Variants in DOCK3 observed in about 807,000 individuals in gnomAD.
DOCK3 encodes the protein dedicator of cytokinesis 3, also known as dedicator of cytokinesis protein 3.
In DOCK3, 60 loss-of-function variants were observed where a neutral mutation model predicts 265.6. The observed-to-expected ratio is 0.23, with a 90% CI of 0.18 to 0.28. The LOEUF is 0.28. Among genes scored for constraint, DOCK3 ranks in the 10% least tolerant of loss-of-function variants. The pLI, the probability that DOCK3 is intolerant of heterozygous loss-of-function variation, is 1.00. For synonymous variants in DOCK3, 881 were observed against 938.0 expected, an observed-to-expected ratio of 0.94 and a Z score of 1.11; for missense variants, 1,981 against 2,594.3, an observed-to-expected ratio of 0.76 and a Z score of 5.14.
intron 1 of DOCK3, among the ~76,000 whole-genome samples, chr3:50,763,275 T>G (rs939721029): frequency 1.3e-5 from 2 of 152,120 alleles, no homozygotes; most frequent in Admixed American, 6.6e-5. Flanking sequence ...ATTTTTCTAT[T>G]TCTTCTTTTT....
At chr3:51,055,988 G>C (rs1034508697) in intron 5 of DOCK3, among the ~76,000 whole-genome samples, 1 of 152,164 alleles carries the variant, frequency 6.6e-6, no homozygotes, top group African/African-American at 2.4e-5. Context: ...GGAGGAGTTA[G>C]ATGTATGTGC....
intron 51 of DOCK3, chr3:51,379,451 G>A (rs1429502180): frequency 1.0e-6 from 1 of 985,344 alleles, no homozygotes; most frequent in Admixed American, 6.1e-5. Context: ...CCCTTCAGCT[G>A]TGCCAGCAGC....
intron 1 of DOCK3, among the ~76,000 whole-genome samples, chr3:50,756,028 C>T (rs771415209): frequency 6.6e-6 from 1 of 152,168 alleles, no homozygotes; most frequent in Non-Finnish European, 1.5e-5. Context: ...AAGTGAGATC[C>T]AAATGCCCCA....
chr3:50,889,096 TG>T (rs2048509623), intron 3 of DOCK3, among the ~76,000 whole-genome samples: 3 of 151,322 alleles, frequency 2.0e-5, no homozygotes, highest in African/African-American at 7.3e-5. Flanking sequence ...TGTGTGTGTG[TG>T]TGTGTGTGTG....
intron 42 of DOCK3, 62 bp downstream of exon 42, chr3:51,356,317 T>G: frequency 6.2e-7 from 1 of 1,612,128 alleles, no homozygotes; most frequent in Non-Finnish European, 8.5e-7. Context: ...CTCAACTTCC[T>G]TGGGAACTCA....
chr3:51,186,193 G>T (rs193286821), intron 12 of DOCK3, among the ~76,000 whole-genome samples: 20 of 152,310 alleles, frequency 1.3e-4, no homozygotes, highest in Admixed American at 1.2e-3. Context: ...GGCTGAGTTG[G>T]TATCAGATGG....
rs201425737 is a variant in DOCK3, at chr3:51,237,536, G to T, written c.2048G>T (p.Arg683Leu). Residue 683 changes from arginine to leucine, a missense_variant, in exon 21 of 53, where the codon CGA becomes CTA. Around this residue, in one of 4 missense-constraint regions of DOCK3, gnomAD observed 1,357 missense variants for 1,866.8 expected, o/e 0.73. Transcript: ENST00000266037. The stretch of plus-strand genomic sequence containing the variant: ...CGAGACATCAAGTATTTTCACTTTC[G>T]ACCTGTGATGGACACGTATATCCAG... ...LLRDIKYFHF[R>L]PVMDTYIQKH... is the part of the protein sequence containing the mutation. 6.2e-7 allele frequency: 1 copy of T among 1,612,896 alleles called. No homozygotes were observed. Among genetic ancestry groups the T allele is most frequent in the Admixed American group, 1.7e-5 (1 of 59,818 alleles).
chr3:51,236,961 A>G (rs1387475094), intron 20 of DOCK3, among the ~76,000 whole-genome samples: 1 of 152,168 alleles, frequency 6.6e-6, no homozygotes, highest in Admixed American at 6.5e-5. Flanking sequence ...CATACATTCA[A>G]GAAGAGTCAG....
In DOCK3 at chr3:50,675,226, C is replaced by G. The variant is rs923971159; in HGVS notation, c.-38C>G. The G allele has an allele frequency of 3.5e-6, 4 of 1,142,610 alleles. No homozygotes were observed. The highest frequency in any genetic ancestry group is 4.3e-6 in the Non-Finnish European group (4 of 925,528). The allele number at this position is 1,142,610 out of a possible 1,614,324, so 70.8% of individuals were successfully genotyped here. A position where few individuals can be genotyped will look rare whatever the true frequency, so the allele number is the denominator to read the frequency against. On this transcript the variant is annotated 5_prime_UTR_variant, in exon 1 of 53. Transcript: ENST00000266037. This position sits in a 1 kb window ranked among gnomAD's most constrained non-coding sequence, Gnocchi z 6.1. ...GCGGCCGTCCCCGCCGCGTTGTCGC[C>G]CGGTCGCCGCGCCCGCGGGGCCGCG...
intron 37 of DOCK3, among the ~76,000 whole-genome samples, chr3:51,339,463 C>T (rs2085091633): frequency 6.6e-6 from 1 of 152,182 alleles, no homozygotes; most frequent in Non-Finnish European, 1.5e-5. Flanking sequence ...AACTCACTAG[C>T]AGACCTTCCT....
intron 1 of DOCK3, among the ~76,000 whole-genome samples, chr3:50,766,168 A>C (rs1212650528): frequency 6.6e-6 from 1 of 151,998 alleles, no homozygotes; most frequent in Non-Finnish European, 1.5e-5. Flanking sequence ...ACATGTGCAC[A>C]ACGTGTAGGT....
intron 4 of DOCK3, among the ~76,000 whole-genome samples, chr3:50,893,054 GT>G (rs1559778473): frequency 2.0e-5 from 3 of 152,034 alleles, no homozygotes; most frequent in African/African-American, 7.2e-5. Flanking sequence ...AATGAAGTGC[GT>G]ACATTCATAG....
At chr3:50,746,526 T>C (rs1277150467) in intron 1 of DOCK3, among the ~76,000 whole-genome samples, 1 of 152,156 alleles carries the variant, frequency 6.6e-6, no homozygotes, top group South Asian at 2.1e-4. Flanking sequence ...TCTGGAAGTT[T>C]TATAATTTTA....
intron 5 of DOCK3, among the ~76,000 whole-genome samples, chr3:50,954,250 G>T (rs2108335826): frequency 6.6e-6 from 1 of 152,214 alleles, no homozygotes; most frequent in East Asian, 1.9e-4. Flanking sequence ...TGTCTTCAGG[G>T]TTCATCCATA....
intron 5 of DOCK3, among the ~76,000 whole-genome samples, chr3:50,978,980 G>A (rs1486285782): frequency 6.6e-6 from 1 of 152,198 alleles, no homozygotes; most frequent in Non-Finnish European, 1.5e-5. Context: ...TCCCGAGTGA[G>A]GCAATGCCTT....
chr3:51,286,477 G>C (rs1297657591), intron 27 of DOCK3, among the ~76,000 whole-genome samples: 4 of 151,940 alleles, frequency 2.6e-5, no homozygotes, highest in Non-Finnish European at 5.9e-5. Flanking sequence ...TTTTTAAATT[G>C]ATATGGAATT....
intron 1 of DOCK3, among the ~76,000 whole-genome samples, chr3:50,679,378 A>ATT (rs1442265641): frequency 2.0e-5 from 3 of 152,172 alleles, no homozygotes; most frequent in Non-Finnish European, 4.4e-5. Context: ...AAGACCTTAC[A>ATT]TTTTAGTTTT....
chr3:51,287,805 T>C (rs760481876), intron 27 of DOCK3, among the ~76,000 whole-genome samples: 21 of 152,060 alleles, frequency 1.4e-4, no homozygotes, highest in Non-Finnish European at 4.4e-5. Flanking sequence ...GGAAAATAAA[T>C]AATTCTACCA....
chr3:51,212,431 G>GTT lies in DOCK3; in HGVS notation c.1127-1674_1127-1673dup, dbSNP rs1198836971. ...GCAGAATGGTTAGAGTACACCCACTGTTTTTTTTTTTTTTTTTTGCTTTTG... is the reference window on the plus strand; with the variant it reads ...GCAGAATGGTTAGAGTACACCCACTGTTTTTTTTTTTTTTTTTTTTGCTTTTG... On this transcript the variant is annotated intron_variant, in intron 13 of 52. Coordinates refer to ENST00000266037, the MANE Select transcript of DOCK3 (RefSeq NM_004947.5). Among the ~76,000 whole-genome samples the GTT allele has an allele frequency of 3.0e-3, 334 of 112,226 alleles. 3 individuals carry two copies. The highest frequency in any genetic ancestry group is 9.7e-3 in the African/African-American group (303 of 31,128). The allele number at this position is 112,226 out of a possible 152,430, so 73.6% of individuals were successfully genotyped here. A position where few individuals can be genotyped will look rare whatever the true frequency, so the allele number is the denominator to read the frequency against.
Sources: allele counts gnomAD v4.1 joint callset (sites outside exome capture counted in the v4.1 genomes callset), GRCh38; gene constraint gnomAD v4.1.1; regional missense constraint gnomAD v4.1.1; non-coding constraint Gnocchi (gnomAD v3.1); transcripts MANE v1.5; gene names NCBI Gene and HGNC (gene_info 2026-07-23, HGNC 2026-07-21).